LY75: variants seen among roughly 807,000 people sequenced by gnomAD.
The protein encoded by LY75 is lymphocyte antigen 75, also known as C-type lectin domain family 13 member B.
Under a neutral mutation model 231.7 loss-of-function variants are expected in LY75, and 185 were observed. The ratio of observed to expected loss-of-function variants is 0.80; its 90% CI spans 0.71 to 0.90. The LOEUF (loss-of-function observed/expected upper bound fraction) is 0.90, where lower values mean the gene tolerates loss of function less well. Among genes scored for constraint, LY75 ranks in the 40% least tolerant of loss-of-function variants. LY75 has a pLI of 0.00. For missense variants in LY75, 1,947 were observed against 2,050.2 expected (o/e 0.95, Z 0.97); for synonymous variants, 668 against 689.0 (o/e 0.97, Z 0.48).
At chr2:159,848,551 A>G (rs981816496) in intron 23 of LY75, among the ~76,000 whole-genome samples, 3 of 152,214 alleles carry the variant, frequency 2.0e-5, no homozygotes, top group African/African-American at 7.2e-5. Flanking sequence ...CCCAGCAACC[A>G]TTAAAAAGCT....
intron 1 of LY75, among the ~76,000 whole-genome samples, chr2:159,900,541 T>C (rs1341779555): frequency 2.0e-5 from 3 of 152,216 alleles, no homozygotes; most frequent in African/African-American, 7.2e-5. Context: ...CTGGTTTCAC[T>C]AACACCAGAT....
Position 159,807,076 on chromosome 2 carries a change from C to G in LY75, c.4887G>C (p.Lys1629Asn), listed in dbSNP as rs779074961. The change falls in exon 34 of 35, where the codon AAG becomes AAC. Residue 1629 changes from lysine to asparagine, a missense_variant. Coordinates refer to ENST00000263636, the MANE Select transcript of LY75 (RefSeq NM_002349.4). ...VTFVKWENKS[K>N]SGVGRCSMLI... ...ACATGCTACATCTTCCAACACCACTCTTACTTTTATTTTCCCATTTGACAA... is the reference window on the plus strand; with the variant it reads ...ACATGCTACATCTTCCAACACCACTGTTACTTTTATTTTCCCATTTGACAA... 1.2e-6 allele frequency: 2 copies of G among 1,613,936 alleles called. No homozygotes were observed. The highest frequency in any genetic ancestry group is 4.5e-5 in the East Asian group (2 of 44,866).
intron 3 of LY75, among the ~76,000 whole-genome samples, chr2:159,893,026 A>T (rs1474141051): frequency 6.6e-6 from 1 of 152,206 alleles, no homozygotes; most frequent in African/African-American, 2.4e-5. Flanking sequence ...TTAAATAAAA[A>T]AAAGCCACTG....
chr2:159,842,421 T>C, intron 23 of LY75, 47 bp from the exon 24 acceptor site: 1 of 1,557,276 alleles, frequency 6.4e-7, no homozygotes, highest in Non-Finnish European at 8.7e-7. Context: ...AACAATGGTC[T>C]GAAGCTCCTA....
intron 26 of LY75, among the ~76,000 whole-genome samples, chr2:159,834,830 C>T (rs1683772792): frequency 6.6e-6 from 1 of 152,182 alleles, no homozygotes; most frequent in Admixed American, 6.5e-5. Context: ...CACTCAGTAT[C>T]TCTCCTGGAT....
intron 28 of LY75, among the ~76,000 whole-genome samples, chr2:159,827,481 G>C (rs866323986): frequency 1.2e-4 from 18 of 152,200 alleles, no homozygotes; most frequent in African/African-American, 3.9e-4. Flanking sequence ...AGGATGTGGA[G>C]AAATAGGAAC....
At chr2:159,829,538 T>C (rs1683583420) in intron 28 of LY75, among the ~76,000 whole-genome samples, 1 of 152,018 alleles carries the variant, frequency 6.6e-6, no homozygotes, top group Non-Finnish European at 1.5e-5. Flanking sequence ...ATATTCTATA[T>C]CAACGTAACC....
At chr2:159,840,620 A>C in intron 25 of LY75, 109 bp downstream of exon 25, 5 of 1,483,506 alleles carry the variant, frequency 3.4e-6, no homozygotes, top group Non-Finnish European at 4.5e-6. Flanking sequence ...TTACTGGAGT[A>C]AGATTTTCAG....
intron 28 of LY75, among the ~76,000 whole-genome samples, chr2:159,822,015 C>T (rs1050684176): frequency 3.9e-5 from 6 of 152,216 alleles, no homozygotes; most frequent in African/African-American, 1.4e-4. Context: ...GTGCACTTGT[C>T]CCAGGGTCTT....
chr2:159,862,043 G>A (rs112578981), intron 14 of LY75, among the ~76,000 whole-genome samples: 1,728 of 152,146 alleles, frequency 0.011, 23 homozygotes, highest in African/African-American at 0.039. Flanking sequence ...GCTCACACCT[G>A]TAATCCCAGC....
chr2:159,870,544 G>GC (rs1360286095), intron 13 of LY75, among the ~76,000 whole-genome samples: 2 of 152,126 alleles, frequency 1.3e-5, no homozygotes, highest in African/African-American at 4.8e-5. Flanking sequence ...TCACTCTGTT[G>GC]CCCAAGCTGG....
chr2:159,831,419 C>T lies in LY75; in HGVS notation c.3958+251G>A, dbSNP rs573009987. Among the ~76,000 whole-genome samples the T allele has an allele frequency of 7.2e-5, 11 of 152,258 alleles. No homozygotes were observed. The South Asian group carries it at 1.0e-3, about 14-fold the overall frequency. On this transcript the variant is annotated intron_variant, in intron 28 of 34. Coordinates refer to ENST00000263636, the MANE Select transcript of LY75 (RefSeq NM_002349.4). Reference sequence around the variant, plus strand: ...CTTTTCTTCATAAATTACCCAGGTTCGGGTAGTTCTTTTTAGCAGTGCGGG... The same window carrying T: ...CTTTTCTTCATAAATTACCCAGGTTTGGGTAGTTCTTTTTAGCAGTGCGGG...
At chr2:159,825,031 C>T (rs1683415057) in intron 28 of LY75, among the ~76,000 whole-genome samples, 1 of 152,094 alleles carries the variant, frequency 6.6e-6, no homozygotes, top group African/African-American at 2.4e-5. Flanking sequence ...AACACCCTAA[C>T]ATCAAAGTTA....
chr2:159,846,805 G>T (rs1684216181), intron 23 of LY75, among the ~76,000 whole-genome samples: 1 of 151,988 alleles, frequency 6.6e-6, no homozygotes, highest in Non-Finnish European at 1.5e-5. Context: ...AAATCAATAA[G>T]AAATACATGA....
At chr2:159,882,971 C>T (rs1366740669) in intron 6 of LY75, among the ~76,000 whole-genome samples, 2 of 151,742 alleles carry the variant, frequency 1.3e-5, no homozygotes, top group Admixed American at 1.3e-4. Context: ...CTAATCTTTC[C>T]AGATTAGAAA....
Position 159,808,458 on chromosome 2 carries a change from G to T in LY75, c.4813C>A (p.His1605Asn). The change falls in exon 33 of 35, where the codon CAT becomes AAT. Residue 1605 changes from histidine to asparagine, a missense_variant. Transcript: ENST00000263636. ...TMRVWLGLSQ[H>N]SVDQSWSWLD... ...CAATTATTTCACTTACCAACAGAAT[G>T]TTGAGATAATCCAAGCCAAACTCTC... 1 of 1,613,816 alleles carries T rather than the reference G, an allele frequency of 6.2e-7. No homozygotes were observed. The highest frequency in any genetic ancestry group is 8.5e-7 in the Non-Finnish European group (1 of 1,179,892).
chr2:159,819,405 CT>C (rs149173418), intron 29 of LY75, among the ~76,000 whole-genome samples: 43,038 of 149,576 alleles, frequency 0.29, 7,658 homozygotes, highest in Non-Finnish European at 0.4. Context: ...GAAGCCTTTC[CT>C]TTTTTTTTTG....
chr2:159,883,441 G>A (rs1423710929), intron 6 of LY75, among the ~76,000 whole-genome samples: 2 of 151,962 alleles, frequency 1.3e-5, no homozygotes, highest in East Asian at 1.9e-4. Flanking sequence ...TTATGATAAA[G>A]GAACAGAGGA....
intron 31 of LY75, chr2:159,814,104 T>C: frequency 6.6e-6 from 1 of 152,212 alleles, no homozygotes; most frequent in South Asian, 2.1e-4. Context: ...GCAGAAAACA[T>C]GGTGAGCATT....
Sources: gnomAD v4.1 joint callset for allele counts (sites outside exome capture counted in the v4.1 genomes callset) on GRCh38, gnomAD v4.1.1 for gene constraint, MANE v1.5 for transcripts, NCBI Gene and HGNC (gene_info 2026-07-23, HGNC 2026-07-21) for gene names.